The following GMPR variants were observed in gnomAD, a reference collection of about 807,000 sequenced individuals.
GMPR encodes the protein GMP reductase 1.
A neutral mutation model predicts 38.4 loss-of-function variants in GMPR; 31 were observed. That is an observed-to-expected ratio of 0.81 (90% CI 0.61 to 1.09). The LOEUF (loss-of-function observed/expected upper bound fraction) is 1.09. Ranked by LOEUF, GMPR falls within the 50% of genes least tolerant of loss-of-function variation. The pLI is 0.00. For missense variants in GMPR, 468 were observed against 453.7 expected (o/e 1.03, Z -0.29); for synonymous variants, 162 against 173.3 (o/e 0.93, Z 0.51).
intron 4 of GMPR, among the ~76,000 whole-genome samples, chr6:16,273,769 G>A (rs1175493822): frequency 1.3e-5 from 2 of 150,730 alleles, no homozygotes; most frequent in Non-Finnish European, 2.9e-5. Context: ...ATTACCAAGA[G>A]TGTTTCATTG....
At chr6:16,272,712 A>G (rs1182787976) in intron 4 of GMPR, among the ~76,000 whole-genome samples, 4 of 152,176 alleles carry the variant, frequency 2.6e-5, no homozygotes, top group African/African-American at 9.7e-5. Flanking sequence ...GGTTTGTAAG[A>G]GCTCTTATTA....
At chr6:16,269,734 T>A (rs796139074) in intron 4 of GMPR, among the ~76,000 whole-genome samples, 8 of 152,262 alleles carry the variant, frequency 5.3e-5, no homozygotes, top group African/African-American at 1.9e-4. Context: ...GAAGTTGAGG[T>A]TACAATGAGC....
intron 7 of GMPR, among the ~76,000 whole-genome samples, chr6:16,288,521 C>T (rs1162408263): frequency 6.6e-6 from 1 of 152,230 alleles, no homozygotes; most frequent in Non-Finnish European, 1.5e-5. Context: ...TGCCGCCCGC[C>T]ATGGCTGAGC....
intron 4 of GMPR, chr6:16,263,000 G>T (rs549699034): frequency 6.6e-6 from 1 of 152,144 alleles, no homozygotes; most frequent in South Asian, 2.1e-4. Context: ...GGGTGGAGGA[G>T]CGGAGGCTGA....
chr6:16,271,537 A>G (rs1759385686), intron 4 of GMPR, among the ~76,000 whole-genome samples: 1 of 152,174 alleles, frequency 6.6e-6, no homozygotes, highest in South Asian at 2.1e-4. Context: ...TAGCTTCTCT[A>G]AAGTTTTTGT....
rs560844394 is a variant in GMPR at position 16,284,757 on chromosome 6, C to T, written c.655-1036C>T. Among the ~76,000 whole-genome samples the T allele has an allele frequency of 2.8e-4, 42 of 152,168 alleles. 1 individual carries two copies. Among genetic ancestry groups the T allele is most frequent in the African/African-American group, 9.2e-4 (38 of 41,520 alleles). On this transcript the variant is annotated intron_variant, in intron 6 of 8. Transcript: ENST00000259727. The stretch of plus-strand genomic sequence containing the variant: ...GCTAGTGGCTGGGCGCGGTGGTGCA[C>T]GCCTGTAATCCCAGCACTTTGGGAG...
At chr6:16,243,713 C>G (rs1248542900) in intron 1 of GMPR, among the ~76,000 whole-genome samples, 5 of 152,228 alleles carry the variant, frequency 3.3e-5, no homozygotes, top group Admixed American at 3.3e-4. Flanking sequence ...CGTCTGCCCC[C>G]CAAATTGCAT....
At chr6:16,254,525 CT>C in intron 3 of GMPR, 36 bp from the exon 4 acceptor site, 2 of 1,582,816 alleles carry the variant, frequency 1.3e-6, no homozygotes, top group Non-Finnish European at 1.7e-6. Flanking sequence ...CTGAATGCTA[CT>C]GTTTATGCCT....
At chr6:16,254,272 G>T (rs1758930701) in intron 3 of GMPR, among the ~76,000 whole-genome samples, 1 of 152,054 alleles carries the variant, frequency 6.6e-6, no homozygotes, top group Non-Finnish European at 1.5e-5. Flanking sequence ...CACCATGTTG[G>T]CCAGGCTGGT....
chr6:16,262,333 GGC>G (rs1759103986), intron 4 of GMPR: 1 of 152,028 alleles, frequency 6.6e-6, no homozygotes, highest in African/African-American at 2.4e-5. Context: ...CGCTGGGAGT[GGC>G]TGCCAGGTGA....
intron 4 of GMPR, 73 bp downstream of exon 4, chr6:16,254,808 G>A (rs1201207915): frequency 5.6e-6 from 6 of 1,070,146 alleles, no homozygotes; most frequent in East Asian, 2.4e-5. Context: ...TCAATGTGTC[G>A]GGGGAGCTGT....
rs138260798 is a variant in GMPR, at chr6:16,239,035, G to A, written c.87+255G>A. Among the ~76,000 whole-genome samples, 303 of 152,246 alleles carry A rather than the reference G, an allele frequency of 2.0e-3. 2 individuals carry two copies. Among genetic ancestry groups the A allele is most frequent in the Non-Finnish European group, 3.4e-3 (233 of 68,006 alleles). ...CTAGGGGAAGTTCACAGTGAAACTC[G>A]ACCACAGATGAGCGAGATCCAGTGG... On this transcript the variant is annotated intron_variant, in intron 1 of 8. Coordinates refer to ENST00000259727, the MANE Select transcript of GMPR (RefSeq NM_006877.4).
At chr6:16,291,262 C>T (rs1267312094) in intron 8 of GMPR, among the ~76,000 whole-genome samples, 1 of 151,942 alleles carries the variant, frequency 6.6e-6, no homozygotes, top group Non-Finnish European at 1.5e-5. Flanking sequence ...CGTGCTCTGT[C>T]GCCCAGGCTG....
chr6:16,278,159 A>G (rs4716056), intron 5 of GMPR, among the ~76,000 whole-genome samples: 74,927 of 151,872 alleles, frequency 0.49, 19,929 homozygotes, highest in East Asian at 0.78. Context: ...ATGGACAAAC[A>G]GCTGGGCCCT....
chr6:16,244,210 C>CTTTT (rs760576826), intron 1 of GMPR, among the ~76,000 whole-genome samples: 2 of 118,758 alleles, frequency 1.7e-5, no homozygotes, highest in Non-Finnish European at 3.6e-5. Context: ...TCTATTTGTA[C>CTTTT]TTTTTTTTTT....
At chr6:16,243,096 A>G (rs975065558) in intron 1 of GMPR, among the ~76,000 whole-genome samples, 1 of 152,174 alleles carries the variant, frequency 6.6e-6, no homozygotes, top group African/African-American at 2.4e-5. Context: ...AATTCAACCC[A>G]TAACAGACAG....
At chr6:16,257,392 A>T (rs1019034867) in intron 4 of GMPR, among the ~76,000 whole-genome samples, 1 of 152,026 alleles carries the variant, frequency 6.6e-6, no homozygotes, top group Admixed American at 6.6e-5. Flanking sequence ...GTCATCCTTT[A>T]TGTCTTTTAT....
At position 16,278,818 on chromosome 6, in the gene GMPR, G is replaced by A. The variant is rs1408013860; in HGVS notation, c.582G>A (p.Val194=). The change falls in exon 6 of 9, where the codon GTG becomes GTA. Residue 194 remains valine (V), a synonymous_variant. Transcript: ENST00000259727. ...GCACCACCCGCACCAAGACGGGAGT[G>A]GGGTACCCCCAGCTGAGTGCCGTCA... The part of the protein sequence containing the change: ...SVCTTRTKTG[V]GYPQLSAVIE... The A allele has an allele frequency of 6.2e-7, 1 of 1,614,034 alleles. No homozygotes were observed. Among genetic ancestry groups the A allele is most frequent in the Admixed American group, 1.7e-5 (1 of 60,028 alleles).
chr6:16,252,987 G>C (rs1758904751), intron 3 of GMPR, among the ~76,000 whole-genome samples: 1 of 152,256 alleles, frequency 6.6e-6, no homozygotes, highest in South Asian at 2.1e-4. Context: ...CCAGGGTTTA[G>C]AGATAAGAGT....
Sources: allele counts gnomAD v4.1 joint callset (sites outside exome capture counted in the v4.1 genomes callset), GRCh38; gene constraint gnomAD v4.1.1; transcripts MANE v1.5; gene names NCBI Gene and HGNC (gene_info 2026-07-23, HGNC 2026-07-21).